Variants in MYO9A observed in about 807,000 individuals in gnomAD.
MYO9A encodes unconventional myosin-IXa.
Under a neutral mutation model 293.3 loss-of-function variants are expected in MYO9A, and 103 were observed. The ratio of observed to expected loss-of-function variants is 0.35; its 90% CI spans 0.30 to 0.41. MYO9A has a LOEUF of 0.41. Ranked by LOEUF, MYO9A falls within the 10% of genes least tolerant of loss-of-function variation. MYO9A has a pLI of 1.00. For missense variants in MYO9A, 2,685 were observed against 3,033.0 expected, an observed-to-expected ratio of 0.89 and a Z score of 2.69; for synonymous variants, 1,001 against 1,035.7, an observed-to-expected ratio of 0.97 and a Z score of 0.64.
At position 71,825,951 on chromosome 15, in the gene MYO9A, G is replaced by GACACGCTCTGATGGCTTAATGGAA. The variant is rs2054466359; in HGVS notation, c.*605_*628dup. ...CTTCACTGTATAACAAGATATCTGA[G>GACACGCTCTGATGGCTTAATGGAA]ACACGCTCTGATGGCTTAATGGAAA... On this transcript the variant is annotated 3_prime_UTR_variant, in exon 42 of 42. Transcript: ENST00000356056. 1 of 149,134 alleles carries GACACGCTCTGATGGCTTAATGGAA rather than the reference G, an allele frequency of 6.7e-6. No homozygotes were observed. Among genetic ancestry groups the GACACGCTCTGATGGCTTAATGGAA allele is most frequent in the Non-Finnish European group, 1.5e-5 (1 of 67,668 alleles). 9.2% of individuals were successfully genotyped at this position (149,134 alleles called of 1,614,324 possible).
intron 2 of MYO9A, among the ~76,000 whole-genome samples, chr15:72,036,194 T>G (rs1228763650): frequency 1.3e-5 from 2 of 152,196 alleles, no homozygotes; most frequent in African/African-American, 2.4e-5. Context: ...TGGATCTATA[T>G]AAGGAAGGAA....
chr15:72,106,162 G>A (rs1027454325), intron 1 of MYO9A, among the ~76,000 whole-genome samples: 2 of 152,066 alleles, frequency 1.3e-5, no homozygotes, highest in African/African-American at 2.4e-5. Flanking sequence ...TGAGAAAACA[G>A]GATGAAAAAG....
chr15:71,845,292 A>G (rs188622350), intron 39 of MYO9A, among the ~76,000 whole-genome samples: 34 of 147,856 alleles, frequency 2.3e-4, no homozygotes, highest in African/African-American at 7.8e-4. Context: ...AGGGTTAGTA[A>G]GCACTTTAAA....
intron 2 of MYO9A, among the ~76,000 whole-genome samples, chr15:72,039,698 G>A (rs71395057): frequency 0.014 from 2,070 of 152,090 alleles, 25 homozygotes; most frequent in East Asian, 0.025. Context: ...GTGTGGTGGC[G>A]CACACCTATA....
intron 6 of MYO9A, 56 bp downstream of exon 6, chr15:72,018,983 G>GCGCAATGTGAGGACCCTTT: frequency 7.3e-7 from 1 of 1,370,408 alleles, no homozygotes; most frequent in Non-Finnish European, 1.0e-6. Context: ...GGATGCAAAT[G>GCGCAATGTGAGGACCCTTT]CGCAATGTGA....
At chr15:71,975,788 T>A (rs541064733) in intron 12 of MYO9A, among the ~76,000 whole-genome samples, 3 of 152,282 alleles carry the variant, frequency 2.0e-5, no homozygotes, top group African/African-American at 7.2e-5. Context: ...CATACTCTTT[T>A]TGTCCAATCA....
At chr15:71,968,506 T>C (rs1192448065) in intron 12 of MYO9A, among the ~76,000 whole-genome samples, 2 of 152,156 alleles carry the variant, frequency 1.3e-5, no homozygotes, top group East Asian at 1.9e-4. Context: ...AAGAGAATAA[T>C]ATCTCGATTC....
intron 39 of MYO9A, 29 bp from the exon 40 acceptor site, chr15:71,830,340 A>G (rs1414292894): frequency 6.2e-7 from 1 of 1,601,050 alleles, no homozygotes; most frequent in East Asian, 2.2e-5. Context: ...GTTAGAAAGT[A>G]AATTGAGTGA....
chr15:71,980,316 G>A (rs1416812118), intron 11 of MYO9A, among the ~76,000 whole-genome samples: 1 of 152,152 alleles, frequency 6.6e-6, no homozygotes, highest in Non-Finnish European at 1.5e-5. Context: ...GCATTCTGAT[G>A]TGGTTGTGGC....
At chr15:71,910,154 A>G (rs142054938) in intron 19 of MYO9A, among the ~76,000 whole-genome samples, 705 of 67,288 alleles carry the variant, frequency 0.01, 8 homozygotes, top group African/African-American at 0.027. Flanking sequence ...GTGTGTGTGT[A>G]TATATATATA....
At chr15:71,899,613 A>C (rs2057425254) in intron 24 of MYO9A, 74 bp downstream of exon 24, 2 of 1,263,458 alleles carry the variant, frequency 1.6e-6, no homozygotes, top group South Asian at 2.9e-5. Context: ...AAATTAGACA[A>C]GTGTTAATGC....
At chr15:71,852,018 C>A in intron 36 of MYO9A, 114 bp downstream of exon 36, 1 of 1,226,736 alleles carries the variant, frequency 8.2e-7, no homozygotes, top group Non-Finnish European at 1.1e-6. Context: ...CAAAAGCTTA[C>A]CTTTGAATCT....
Position 72,020,901 on chromosome 15 carries a change from T to C in MYO9A, c.1098+17A>G. On this transcript the variant is annotated intron_variant, in intron 5 of 41. Transcript: ENST00000356056. Reference sequence around the variant, plus strand: ...AATACTGCCCTATACTTCAAAATGCTTTTTATGAACTCTCACCTGATTGAG... The same window carrying C: ...AATACTGCCCTATACTTCAAAATGCCTTTTATGAACTCTCACCTGATTGAG... The C allele has an allele frequency of 3.4e-6, 5 of 1,453,290 alleles. No homozygotes were observed. Among genetic ancestry groups the C allele is most frequent in the Non-Finnish European group, 3.7e-6 (4 of 1,092,282 alleles). The allele number at this position is 1,453,290 out of a possible 1,614,324, so 90.0% of individuals were successfully genotyped here.
chr15:71,952,566 T>C (rs2059076545), intron 14 of MYO9A, among the ~76,000 whole-genome samples: 1 of 152,180 alleles, frequency 6.6e-6, no homozygotes, highest in Non-Finnish European at 1.5e-5. Flanking sequence ...ATCAGTGTTA[T>C]TTAAAGTGAG....
chr15:72,091,430 T>C lies in MYO9A; in HGVS notation c.-72+26250A>G, dbSNP rs569373290. Among the ~76,000 whole-genome samples, 3 of 152,328 alleles carry C rather than the reference T, an allele frequency of 2.0e-5. No individual in the cohort carries two copies. In the South Asian group the frequency reaches 6.2e-4, roughly 32 times the overall value. On this transcript the variant is annotated intron_variant, in intron 1 of 41. Transcript: ENST00000356056. ...CCTCTGTGACTGAGACATTTCCACA[T>C]GGCTAAAACAGTAGAAATCCTTAAG...
At chr15:72,073,547 C>A (rs2079256626) in intron 1 of MYO9A, among the ~76,000 whole-genome samples, 1 of 152,120 alleles carries the variant, frequency 6.6e-6, no homozygotes, top group Non-Finnish European at 1.5e-5. Flanking sequence ...AAAAGAGCCA[C>A]ACTTTGATTG....
intron 1 of MYO9A, among the ~76,000 whole-genome samples, chr15:72,078,981 A>C (rs1198836422): frequency 6.6e-6 from 1 of 152,222 alleles, no homozygotes; most frequent in Non-Finnish European, 1.5e-5. Context: ...AAAGGATGAA[A>C]AGGTAAAAGC....
chr15:72,045,266 ATT>A (rs34691980), intron 2 of MYO9A: 360 of 146,152 alleles, frequency 2.5e-3, no homozygotes, highest in Middle Eastern at 3.6e-3. Context: ...TCCAAAGACA[ATT>A]TTTTTTTTTT....
chr15:71,904,096 T>A (rs937253160), intron 20 of MYO9A, 57 bp from the exon 21 acceptor site: 19 of 1,333,552 alleles, frequency 1.4e-5, no homozygotes, highest in Middle Eastern at 3.6e-4. Flanking sequence ...ATTAATTATC[T>A]GTTTATAAGC....
Sources: allele counts gnomAD v4.1 joint callset (sites outside exome capture counted in the v4.1 genomes callset), GRCh38; gene constraint gnomAD v4.1.1; transcripts MANE v1.5; gene names NCBI Gene and HGNC (gene_info 2026-07-23, HGNC 2026-07-21).